TNFRSF1A: variants seen among roughly 807,000 people sequenced by gnomAD.
TNFRSF1A encodes TNF receptor superfamily member 1A, also known as tumor necrosis factor receptor superfamily member 1A.
In TNFRSF1A, 9 loss-of-function variants were observed where a neutral mutation model predicts 41.6. The ratio of observed to expected loss-of-function variants is 0.22; its 90% confidence interval spans 0.13 to 0.38. The LOEUF (loss-of-function observed/expected upper bound fraction) is 0.38, where lower values mean the gene tolerates loss of function less well. Ranked by LOEUF, TNFRSF1A falls within the 10% of genes least tolerant of loss-of-function variation. The pLI is 1.00. For missense variants in TNFRSF1A, 463 were observed against 591.5 expected (o/e 0.78, Z 2.25); for synonymous variants, 254 against 248.6 (o/e 1.02, Z -0.21).
rs4149624 is a variant in TNFRSF1A, at chr12:6,341,130, T to A, written c.39+646A>T. Among the ~76,000 whole-genome samples the A allele has an allele frequency of 3.9e-5, 6 of 152,224 alleles. No homozygotes were observed. The highest frequency in any genetic ancestry group is 1.4e-4 in the African/African-American group (6 of 41,530). The stretch of plus-strand genomic sequence containing the variant: ...ATGTCCCCAGGTGAGAGGCCGGGGC[T>A]TGGCCAGGGCACTGGGGACACTGTC... On this transcript the variant is annotated intron_variant, in intron 1 of 9. Coordinates refer to ENST00000162749, the MANE Select transcript of TNFRSF1A (RefSeq NM_001065.4). This position sits in a 1 kb window ranked among gnomAD's most constrained non-coding sequence, Gnocchi z 4.6.
In TNFRSF1A at chr12:6,329,371, T is replaced by C; in HGVS notation, c.1309A>G (p.Ile437Val). ...GCGGGGCCGCAAAGCGCCTCCTCGA[T>C]GTCCTCCAGGCAGCCCAGCAGGTCC... The part of the protein sequence containing the change: ...DMDLLGCLED[I>V]EEALCGPAAL... The change falls in exon 10 of 10, where the codon ATC becomes GTC. Residue 437 changes from isoleucine (I) to valine (V), a missense_variant. By Grantham distance (29) the Ile-to-Val change is conservative (BLOSUM62 3). Around this residue, in one of 4 missense-constraint regions of TNFRSF1A, gnomAD observed 277 missense variants for 288.8 expected, o/e 0.96. Transcript: ENST00000162749. The C allele has an allele frequency of 6.6e-7, 1 of 1,509,190 alleles. No individual in the cohort carries two copies. The highest frequency in any genetic ancestry group is 8.8e-7 in the Non-Finnish European group (1 of 1,137,550). The allele number at this position is 1,509,190 out of a possible 1,614,324, so 93.5% of individuals were successfully genotyped here. A position where few individuals can be genotyped will look rare whatever the true frequency, so the allele number is the denominator to read the frequency against.
intron 1 of TNFRSF1A, among the ~76,000 whole-genome samples, chr12:6,340,139 G>A (rs1948175981): frequency 6.6e-6 from 1 of 152,132 alleles, no homozygotes; most frequent in Admixed American, 6.6e-5. Context: ...CTTTCTATTT[G>A]CTACAACCTA....
rs528392274 is a variant in TNFRSF1A at position 6,341,383 on chromosome 12, G to T, written c.39+393C>A. Among the ~76,000 whole-genome samples, 17 of 152,280 alleles carry T rather than the reference G, an allele frequency of 1.1e-4. No individual in the cohort carries two copies. The highest frequency in any genetic ancestry group is 2.2e-4 in the Non-Finnish European group (15 of 68,016). On this transcript the variant is annotated intron_variant, in intron 1 of 9. Coordinates refer to ENST00000162749, the MANE Select transcript of TNFRSF1A (RefSeq NM_001065.4). The surrounding 1 kb of genome is among the most constrained non-coding windows in gnomAD (Gnocchi z 4.6). ...GGCCAGCCAGCTGACCGGAGGGACA[G>T]AATTCAGAACCGTCTGGACTCCCCG...
Position 6,333,887 on chromosome 12 carries a change from T to C in TNFRSF1A, c.194-22A>G. 2 of 1,601,606 alleles carry C rather than the reference T, an allele frequency of 1.2e-6. No individual in the cohort carries two copies. Among genetic ancestry groups the C allele is most frequent in the Non-Finnish European group, 1.7e-6 (2 of 1,173,520 alleles). ...GTTCCTGTGAATGGGGCCGCAGAGT[T>C]AGGCTGCGGGTGAGAACACAAGGAA... On this transcript the variant is annotated intron_variant, in intron 2 of 9. Coordinates refer to ENST00000162749, the MANE Select transcript of TNFRSF1A (RefSeq NM_001065.4). The surrounding 1 kb of genome is among the most constrained non-coding windows in gnomAD (Gnocchi z 6.3).
chr12:6,332,022 AAAG>A (rs1397781368), intron 5 of TNFRSF1A: 59 of 296,296 alleles, frequency 2.0e-4, no homozygotes, highest in Non-Finnish European at 2.1e-4. Context: ...AAAAAAAAAA[AAAG>A]AAGATTAATG....
At position 6,330,163 on chromosome 12, in the gene TNFRSF1A, G is replaced by A; in HGVS notation, c.769-97C>T. ...GGGGTTGGGACTTAGAGGGAATGAGGCGAGCCCCCGGAAAGTGAAGGATGA... is the reference window on the plus strand; with the variant it reads ...GGGGTTGGGACTTAGAGGGAATGAGACGAGCCCCCGGAAAGTGAAGGATGA... On this transcript the variant is annotated intron_variant, in intron 8 of 9. Transcript: ENST00000162749. 3 of 1,611,630 alleles carry A rather than the reference G, an allele frequency of 1.9e-6. 1 individual carries two copies. Among genetic ancestry groups the A allele is most frequent in the Non-Finnish European group, 2.5e-6 (3 of 1,177,864 alleles).
Position 6,341,745 on chromosome 12 carries a change from A to T in TNFRSF1A, c.39+31T>A, listed in dbSNP as rs751092823. On this transcript the variant is annotated intron_variant, in intron 1 of 9. Coordinates refer to ENST00000162749, the MANE Select transcript of TNFRSF1A (RefSeq NM_001065.4). The surrounding 1 kb of genome is among the most constrained non-coding windows in gnomAD (Gnocchi z 4.6). The stretch of plus-strand genomic sequence containing the variant: ...CCAGCCGGAAGGTGCCTCGCCCACC[A>T]GCCCACTCTTCCCTTTGTCCCTGGT... 2 of 1,613,500 alleles carry T rather than the reference A, an allele frequency of 1.2e-6. No homozygotes were observed. Among genetic ancestry groups the T allele is most frequent in the African/African-American group, 2.7e-5 (2 of 74,910 alleles).
At chr12:6,338,449 A>G (rs1948147153) in intron 1 of TNFRSF1A, among the ~76,000 whole-genome samples, 1 of 151,934 alleles carries the variant, frequency 6.6e-6, no homozygotes, top group Non-Finnish European at 1.5e-5. Context: ...CACACTTTTT[A>G]AATCTTCATT....
Position 6,333,644 on chromosome 12 carries a change from A to T in TNFRSF1A, c.322+93T>A. On this transcript the variant is annotated intron_variant, in intron 3 of 9. Coordinates refer to ENST00000162749, the MANE Select transcript of TNFRSF1A (RefSeq NM_001065.4). This position sits in a 1 kb window ranked among gnomAD's most constrained non-coding sequence, Gnocchi z 6.3. Reference sequence around the variant, plus strand: ...TCCATGCAGTGTCCCACCAAAACACACACCTTCCTGCCCACACCCACCAGC... The same window carrying T: ...TCCATGCAGTGTCCCACCAAAACACTCACCTTCCTGCCCACACCCACCAGC... 1 of 1,569,246 alleles carries T rather than the reference A, an allele frequency of 6.4e-7. No homozygotes were observed. Among genetic ancestry groups the T allele is most frequent in the South Asian group, 1.2e-5 (1 of 86,412 alleles).
At chr12:6,332,721 G>A (rs191415023) in intron 5 of TNFRSF1A, among the ~76,000 whole-genome samples, 2 of 152,278 alleles carry the variant, frequency 1.3e-5, no homozygotes, top group East Asian at 3.9e-4. Flanking sequence ...AAACAGAGCT[G>A]CCAATTCAAC....
At chr12:6,330,519 TCCACACATGTCCATCGCAC>T (rs1333680673) in intron 7 of TNFRSF1A, 60 bp downstream of exon 7, 1 of 1,155,124 alleles carries the variant, frequency 8.7e-7, no homozygotes, top group Admixed American at 1.9e-5. Context: ...CTCACCTCCC[TCCACACATGTCCATCGCAC>T]CCACCCATGT....
intron 8 of TNFRSF1A, 27 bp from the exon 9 acceptor site, chr12:6,330,093 T>G: frequency 6.2e-7 from 1 of 1,612,184 alleles, no homozygotes; most frequent in Non-Finnish European, 8.5e-7. Flanking sequence ...GGCGCAGCAT[T>G]AGTGCGGCAG....
rs765871782 is a variant in TNFRSF1A, at chr12:6,333,568, T to C, written c.323-52A>G. On this transcript the variant is annotated intron_variant, in intron 3 of 9. Coordinates refer to ENST00000162749, the MANE Select transcript of TNFRSF1A (RefSeq NM_001065.4). The surrounding 1 kb of genome is among the most constrained non-coding windows in gnomAD (Gnocchi z 6.3). ...AGTCCTGCATCCTCCTGTCCCTGCA[T>C]CCCCTTCCTGACATACCCCTAAGTG... 1.4e-5 allele frequency: 22 copies of C among 1,612,362 alleles called. No homozygotes were observed. In the South Asian group the frequency reaches 2.2e-4, roughly 16 times the overall value.
At position 6,330,574 on chromosome 12, in the gene TNFRSF1A, C is replaced by A. The variant is rs202071551; in HGVS notation, c.739+24G>T. On this transcript the variant is annotated intron_variant, in intron 7 of 9. Coordinates refer to ENST00000162749, the MANE Select transcript of TNFRSF1A (RefSeq NM_001065.4). The stretch of plus-strand genomic sequence containing the variant: ...CCTCCCTCACCCCCACCAGCTCCCT[C>A]TCCCTCCCAAAGCCCCCACTCACCA... 4.5e-6 allele frequency: 7 copies of A among 1,565,444 alleles called. 2 individuals are homozygous for A. In the South Asian group the frequency reaches 7.8e-5, roughly 17 times the overall value.
At position 6,329,962 on chromosome 12, in the gene TNFRSF1A, G is replaced by A. The variant is rs1167276751; in HGVS notation, c.873C>T (p.Ser291=). ...TATAGGTGGAGCTGGAGGTGAAGGT[G>A]GAACTGGGCACGGGACTGAAGCCCA... ...PTLGFSPVPS[S]TFTSSSTYTP... is the part of the protein sequence containing the mutation. Residue 291 remains serine, a synonymous_variant, in exon 9 of 10, where the codon TCC becomes TCT. Transcript: ENST00000162749. 3 of 1,580,438 alleles carry A rather than the reference G, an allele frequency of 1.9e-6. No individual in the cohort carries two copies. The highest frequency in any genetic ancestry group is 1.7e-4 in the Middle Eastern group (1 of 6,018).
In TNFRSF1A at chr12:6,333,502, C is replaced by T; in HGVS notation, c.337G>A (p.Glu113Lys). ...SKCRKEMGQV[E>K]ISSCTVDRDT... is the part of the protein sequence containing the mutation. ...CGGTCCACTGTGCAAGAAGAGATCT[C>T]CACCTGACCCATTTCTGGTGAGGGG... Residue 113 changes from glutamate (E) to lysine (K), a missense_variant, in exon 4 of 10, where the codon GAG becomes AAG. Glu to Lys is a moderately conservative substitution (Grantham distance 56). Around this residue, in one of 4 missense-constraint regions of TNFRSF1A, gnomAD observed 149 missense variants for 239.4 expected, o/e 0.62. Coordinates refer to ENST00000162749, the MANE Select transcript of TNFRSF1A (RefSeq NM_001065.4). The surrounding 1 kb of genome is among the most constrained non-coding windows in gnomAD (Gnocchi z 6.3). 2 of 1,613,000 alleles carry T rather than the reference C, an allele frequency of 1.2e-6. No individual in the cohort carries two copies. Among genetic ancestry groups the T allele is most frequent in the Non-Finnish European group, 1.7e-6 (2 of 1,179,636 alleles).
chr12:6,338,414 C>T (rs540918454), intron 1 of TNFRSF1A, among the ~76,000 whole-genome samples: 1 of 151,818 alleles, frequency 6.6e-6, no homozygotes, highest in Admixed American at 6.6e-5. Context: ...GTCTTCTAGC[C>T]TCTCTCCTGC....
Position 6,342,052 on chromosome 12 carries a change from G to A in TNFRSF1A, c.-238C>T. 3.4e-6 allele frequency: 2 copies of A among 595,222 alleles called. No homozygotes were observed. The highest frequency in any genetic ancestry group is 2.7e-5 in the Admixed American group (1 of 36,800). The allele number at this position is 595,222 out of a possible 1,614,324, so 36.9% of individuals were successfully genotyped here. A position where few individuals can be genotyped will look rare whatever the true frequency, so the allele number is the denominator to read the frequency against. ...TGAGAAAATTAAAGCAGAGAGGAGG[G>A]GAGAGAAGGTGGGAGGGGAAGAGTG... On this transcript the variant is annotated 5_prime_UTR_variant, in exon 1 of 10. Transcript: ENST00000162749.
Position 6,329,179 on chromosome 12 carries a change from T to C in TNFRSF1A, c.*133A>G. ...AGGCAGCTGAGAAAAGCTATGTACA[T>C]CGAGGGGTTAGCACCAAGTAGGCGG... On this transcript the variant is annotated 3_prime_UTR_variant, in exon 10 of 10. Transcript: ENST00000162749. The C allele has an allele frequency of 1.2e-6, 1 of 851,878 alleles. No individual in the cohort carries two copies. The highest frequency in any genetic ancestry group is 1.7e-6 in the Non-Finnish European group (1 of 595,864). 52.8% of individuals were successfully genotyped at this position (851,878 alleles called of 1,614,324 possible). A position where few individuals can be genotyped will look rare whatever the true frequency, so the allele number is the denominator to read the frequency against.
Sources: allele counts gnomAD v4.1 joint callset (sites outside exome capture counted in the v4.1 genomes callset), GRCh38; gene constraint gnomAD v4.1.1; regional missense constraint gnomAD v4.1.1; non-coding constraint Gnocchi (gnomAD v3.1); transcripts MANE v1.5; gene names NCBI Gene and HGNC (gene_info 2026-07-23, HGNC 2026-07-21).